The following MYOM1 variants were observed in gnomAD, a reference collection of about 807,000 sequenced individuals.
MYOM1 encodes myomesin-1.
In MYOM1, 164 loss-of-function variants were observed where a neutral mutation model predicts 205.3. The ratio of observed to expected loss-of-function variants is 0.80; its 90% confidence interval spans 0.70 to 0.91. The LOEUF (loss-of-function observed/expected upper bound fraction) is 0.91, where lower values mean the gene tolerates loss of function less well. Ranked by LOEUF, MYOM1 falls within the 40% of genes least tolerant of loss-of-function variation. MYOM1 has a pLI of 0.00. For synonymous variants in MYOM1, 772 were observed against 789.4 expected, an observed-to-expected ratio of 0.98 and a Z score of 0.37; for missense variants, 2,011 against 2,127.3, an observed-to-expected ratio of 0.95 and a Z score of 1.08.
At chr18:3,091,002 C>A (rs1375520929) in intron 26 of MYOM1, among the ~76,000 whole-genome samples, 200 bp from the exon 27 acceptor site, 1 of 151,828 alleles carries the variant, frequency 6.6e-6, no homozygotes, top group Non-Finnish European at 1.5e-5. Flanking sequence ...AGCAGCAAAG[C>A]GAGACCTTGT....
rs540951811 is a variant in MYOM1 at position 3,209,614 on chromosome 18, C to T, written c.290+5320G>A. Among the ~76,000 whole-genome samples the T allele has an allele frequency of 6.6e-6, 1 of 152,362 alleles. No individual in the cohort carries two copies. Among genetic ancestry groups the T allele is most frequent in the African/African-American group, 2.4e-5 (1 of 41,590 alleles). Reference sequence around the variant, plus strand: ...GCACTATCCATCACTCCCCCATTCCCTTGCATGGGCCTCGATGCTGTTCTG... The same window carrying T: ...GCACTATCCATCACTCCCCCATTCCTTTGCATGGGCCTCGATGCTGTTCTG... On this transcript the variant is annotated intron_variant, in intron 2 of 37. Coordinates refer to ENST00000356443, the MANE Select transcript of MYOM1 (RefSeq NM_003803.4). The surrounding 1 kb of genome is among the most constrained non-coding windows in gnomAD (Gnocchi z 4.0).
intron 9 of MYOM1, 94 bp from the exon 10 acceptor site, chr18:3,164,533 A>G: frequency 8.4e-7 from 1 of 1,186,774 alleles, no homozygotes; most frequent in South Asian, 1.5e-5. Context: ...CCTTTTCTAT[A>G]ATGAAAGTAA....
intron 14 of MYOM1, among the ~76,000 whole-genome samples, chr18:3,137,140 G>GACA (rs2079981319): frequency 4.0e-5 from 6 of 151,770 alleles, no homozygotes; most frequent in African/African-American, 2.4e-5. Context: ...TTAGTAGAGG[G>GACA]GGGTTTCACC....
chr18:3,096,749 C>A (rs2079310829), intron 25 of MYOM1, among the ~76,000 whole-genome samples: 1 of 152,158 alleles, frequency 6.6e-6, no homozygotes, highest in African/African-American at 2.4e-5. Context: ...CCGGTGTCTG[C>A]AAATGAAGGG....
intron 12 of MYOM1, among the ~76,000 whole-genome samples, chr18:3,150,713 A>C (rs1272947027): frequency 1.3e-5 from 2 of 152,240 alleles, no homozygotes; most frequent in African/African-American, 4.8e-5. Flanking sequence ...TGGAGATGCC[A>C]TATGGGTTTC....
intron 10 of MYOM1, 111 bp from the exon 11 acceptor site, chr18:3,155,199 G>A: frequency 9.1e-7 from 1 of 1,100,448 alleles, no homozygotes; most frequent in Non-Finnish European, 1.2e-6. Context: ...TCAATCTTTG[G>A]CCCCAACGCA....
At chr18:3,211,875 C>A (rs893925472) in intron 2 of MYOM1, among the ~76,000 whole-genome samples, 1 of 152,180 alleles carries the variant, frequency 6.6e-6, no homozygotes, top group Non-Finnish European at 1.5e-5. Context: ...TAAAAATAGA[C>A]CAAGCCGAGC....
chr18:3,206,524 C>A (rs2081125284), intron 2 of MYOM1, among the ~76,000 whole-genome samples: 1 of 152,178 alleles, frequency 6.6e-6, no homozygotes, highest in African/African-American at 2.4e-5. Flanking sequence ...TTTCTACTCT[C>A]CAATTTTCTG....
chr18:3,193,332 A>ACATATATATATG (rs1401272735), intron 3 of MYOM1, among the ~76,000 whole-genome samples: 9 of 144,262 alleles, frequency 6.2e-5, no homozygotes, highest in South Asian at 2.2e-4. Flanking sequence ...ACATATACAT[A>ACATATATATATG]TATATGTACA....
chr18:3,210,247 C>CT, intron 2 of MYOM1, among the ~76,000 whole-genome samples: 1 of 152,340 alleles, frequency 6.6e-6, no homozygotes, highest in African/African-American at 2.4e-5. Flanking sequence ...TCTGCACTCT[C>CT]TGCTGTGTTT....
upstream of MYOM1, among the ~76,000 whole-genome samples, chr18:3,222,464 A>G (rs1215011232): frequency 2.0e-5 from 3 of 152,244 alleles, no homozygotes; most frequent in East Asian, 5.8e-4. Flanking sequence ...TTGAGTATCA[A>G]TGAATCAATG....
chr18:3,130,682 C>T (rs2079862786), intron 17 of MYOM1, among the ~76,000 whole-genome samples: 1 of 152,034 alleles, frequency 6.6e-6, no homozygotes, highest in South Asian at 2.1e-4. Flanking sequence ...TCTCAAACTC[C>T]TGGACTCAAG....
intron 10 of MYOM1, among the ~76,000 whole-genome samples, chr18:3,157,680 AAATAATAATAATAATAATAATAAT>A (rs55669820): frequency 7.2e-6 from 1 of 139,732 alleles, no homozygotes; most frequent in African/African-American, 2.6e-5. Flanking sequence ...TTGTCTCCAA[AAATAATAATAATAATAATAATAAT>A]AATAATAATA....
rs1002102506 is a variant in MYOM1 at position 3,179,375 on chromosome 18, C to T, written c.930-3241G>A. 6.6e-6 allele frequency among the ~76,000 whole-genome samples: 1 copy of T among 151,740 alleles called. No individual in the cohort carries two copies. The highest frequency in any genetic ancestry group is 1.5e-5 in the Non-Finnish European group (1 of 67,950). On this transcript the variant is annotated intron_variant, in intron 5 of 37. Transcript: ENST00000356443. The surrounding 1 kb of genome is among the most constrained non-coding windows in gnomAD (Gnocchi z 4.4). ...GGATGATTTTATTTTAAATAAATAG[C>T]GATGAGGTCTCACTATGTTGCTCAA... is the stretch of plus-strand genomic sequence containing the variant.
In MYOM1 at chr18:3,067,349, G is replaced by A. The variant is rs200795579; in HGVS notation, c.4971C>T (p.Ser1657=). 2.9e-5 allele frequency: 46 copies of A among 1,612,326 alleles called. No homozygotes were observed. The highest frequency in any genetic ancestry group is 6.7e-5 in the East Asian group (3 of 44,882). ...VVKNKYGSET[S]DFTVSVFIPE... ...GGATGAACACGCTGACGGTGAAGTC[G>A]CTGGTCTCCGAGCCATACTTGTTCT... Residue 1657 remains serine, a synonymous_variant, in exon 38 of 38, where the codon AGC becomes AGT. Coordinates refer to ENST00000356443, the MANE Select transcript of MYOM1 (RefSeq NM_003803.4).
At chr18:3,081,804 C>G (rs2079089321) in intron 33 of MYOM1, among the ~76,000 whole-genome samples, 1 of 152,168 alleles carries the variant, frequency 6.6e-6, no homozygotes, top group Non-Finnish European at 1.5e-5. Flanking sequence ...TTTTATGACT[C>G]AGGAAATAAT....
Position 3,219,634 on chromosome 18 carries a change from G to T in MYOM1, c.-29+169C>A, listed in dbSNP as rs961184219. On this transcript the variant is annotated intron_variant, in intron 1 of 37. Transcript: ENST00000356443. This position sits in a 1 kb window ranked among gnomAD's most constrained non-coding sequence, Gnocchi z 4.4. ...GCTGTGCCAGCCCGACTGGCACCCG[G>T]CTGTTCTGGTTTCCCTCCCTGGAGC... Among the ~76,000 whole-genome samples, 1 of 152,206 alleles carries T rather than the reference G, an allele frequency of 6.6e-6. No homozygotes were observed. The highest frequency in any genetic ancestry group is 2.4e-5 in the African/African-American group (1 of 41,448).
rs755228066 is a variant in MYOM1, at chr18:3,149,138, T to C, written c.1900+7A>G. 1 of 1,613,418 alleles carries C rather than the reference T, an allele frequency of 6.2e-7. No homozygotes were observed. Among genetic ancestry groups the C allele is most frequent in the South Asian group, 1.1e-5 (1 of 91,078 alleles). On this transcript the variant is annotated splice_region_variant and intron_variant, in intron 13 of 37. Transcript: ENST00000356443. ...GCAATAGTATCTGGGGCAACCAGAC[T>C]TCTTACCTGAAGGTTCCTCTTCAGT...
chr18:3,197,724 T>A (rs28379885), intron 2 of MYOM1, among the ~76,000 whole-genome samples: 1 of 150,578 alleles, frequency 6.6e-6, no homozygotes, highest in Non-Finnish European at 1.5e-5. Context: ...ATACAAAAAA[T>A]TAGCTGGGCA....
Sources: gnomAD v4.1 joint callset for allele counts (sites outside exome capture counted in the v4.1 genomes callset) on GRCh38, gnomAD v4.1.1 for gene constraint, Gnocchi (gnomAD v3.1) non-coding constraint, MANE v1.5 for transcripts, NCBI Gene and HGNC (gene_info 2026-07-23, HGNC 2026-07-21) for gene names.